Variants in MTMR12 observed in about 807,000 individuals in gnomAD.
The protein encoded by MTMR12 is myotubularin-related protein 12.
Under a neutral mutation model 96.7 loss-of-function variants are expected in MTMR12, and 33 were observed. The ratio of observed to expected loss-of-function variants is 0.34; its 90% CI spans 0.26 to 0.46. MTMR12 has a LOEUF of 0.46. MTMR12 is among the 20% of genes least tolerant of loss of function. MTMR12 has a pLI of 1.00. For synonymous variants in MTMR12, 298 were observed against 327.2 expected (o/e 0.91, Z 0.96); for missense variants, 721 against 896.1 (o/e 0.80, Z 2.49).
Position 32,312,371 on chromosome 5 carries a change from G to A in MTMR12, c.81+387C>T, listed in dbSNP as rs1369247090. On this transcript the variant is annotated intron_variant, in intron 1 of 15. Coordinates refer to ENST00000382142, the MANE Select transcript of MTMR12 (RefSeq NM_001040446.3). This position sits in a 1 kb window ranked among gnomAD's most constrained non-coding sequence, Gnocchi z 5.0. ...GCTCACTGAGAAAGTCCAGAGGCAG[G>A]ACGGACCCACGCGGGCTCCGAGCAG... 6.6e-6 allele frequency among the ~76,000 whole-genome samples: 1 copy of A among 152,236 alleles called. No individual in the cohort carries two copies. Among genetic ancestry groups the A allele is most frequent in the Non-Finnish European group, 1.5e-5 (1 of 68,030 alleles).
chr5:32,233,672 G>T lies in MTMR12; in HGVS notation c.1674+101C>A. ...GTCTCAACTCTGCAGACTGCTTCGA[G>T]GGGTAGAAAATGCTGGCAGACAGAA... On this transcript the variant is annotated intron_variant, in intron 15 of 15. Coordinates refer to ENST00000382142, the MANE Select transcript of MTMR12 (RefSeq NM_001040446.3). This position sits in a 1 kb window ranked among gnomAD's most constrained non-coding sequence, Gnocchi z 5.0. The T allele has an allele frequency of 6.6e-7, 1 of 1,505,600 alleles. No homozygotes were observed. Among genetic ancestry groups the T allele is most frequent in the Non-Finnish European group, 9.1e-7 (1 of 1,094,780 alleles). The allele number at this position is 1,505,600 out of a possible 1,614,324, so 93.3% of individuals were successfully genotyped here. A position where few individuals can be genotyped will look rare whatever the true frequency, so the allele number is the denominator to read the frequency against.
At chr5:32,240,292 A>G (rs1045784233) in intron 12 of MTMR12, among the ~76,000 whole-genome samples, 25 of 151,914 alleles carry the variant, frequency 1.6e-4, no homozygotes, top group Admixed American at 5.9e-4. Context: ...CCAGCTACTC[A>G]GGAGGCTGAG....
intron 1 of MTMR12, among the ~76,000 whole-genome samples, chr5:32,293,142 A>T (rs945705016): frequency 6.6e-6 from 1 of 152,148 alleles, no homozygotes; most frequent in African/African-American, 2.4e-5. Flanking sequence ...GGAGATGTGT[A>T]TGGGTTCAAG....
Position 32,276,544 on chromosome 5 carries a change from GAT to G in MTMR12, c.142+136_142+137del, listed in dbSNP as rs888375230. On this transcript the variant is annotated intron_variant, in intron 2 of 15. Coordinates refer to ENST00000382142, the MANE Select transcript of MTMR12 (RefSeq NM_001040446.3). ...GTGTAGTTATTGAACTACAAACCTT[GAT>G]ATGTTTTTTCAATTCATTACTGTTA... The G allele has an allele frequency of 8.2e-5, 57 of 694,642 alleles. No individual in the cohort carries two copies. In the African/African-American group the frequency reaches 8.9e-4, roughly 11 times the overall value. The allele number at this position is 694,642 out of a possible 1,614,324, so 43.0% of individuals were successfully genotyped here.
chr5:32,245,171 CAT>C (rs1748632182), intron 10 of MTMR12, among the ~76,000 whole-genome samples: 1 of 152,106 alleles, frequency 6.6e-6, no homozygotes, highest in Non-Finnish European at 1.5e-5. Flanking sequence ...GAGTAGCTGG[CAT>C]TACAGGTGCC....
intron 10 of MTMR12, among the ~76,000 whole-genome samples, chr5:32,246,190 G>T (rs1486519405): frequency 6.5e-5 from 4 of 61,630 alleles, no homozygotes; most frequent in South Asian, 5.5e-4. Context: ...TTTTTGAGAT[G>T]GAGTCTTGCT....
At chr5:32,274,231 C>T in intron 2 of MTMR12, 109 bp from the exon 3 acceptor site, 2 of 1,296,088 alleles carry the variant, frequency 1.5e-6, no homozygotes, top group South Asian at 1.4e-5. Flanking sequence ...TACAATACAA[C>T]ACAGGGCTTT....
chr5:32,297,757 GAAAT>G (rs1412361927), intron 1 of MTMR12, among the ~76,000 whole-genome samples: 2 of 152,086 alleles, frequency 1.3e-5, no homozygotes, highest in Admixed American at 1.3e-4. Context: ...ATTAAAGAAA[GAAAT>G]AAATAAAACT....
rs1169859944 is a variant in MTMR12, at chr5:32,227,599, C to G, written c.*2179G>C. 2 of 152,548 alleles carry G rather than the reference C, an allele frequency of 1.3e-5. No individual in the cohort carries two copies. Among genetic ancestry groups the G allele is most frequent in the African/African-American group, 4.8e-5 (2 of 41,412 alleles). 9.4% of individuals were successfully genotyped at this position (152,548 alleles called of 1,614,324 possible). The stretch of plus-strand genomic sequence containing the variant: ...CATTTTTGGAATGAAAATTACAAAG[C>G]CTGAAGAGGCTACTGTATAAATATT... On this transcript the variant is annotated 3_prime_UTR_variant, in exon 16 of 16. Transcript: ENST00000382142.
intron 6 of MTMR12, among the ~76,000 whole-genome samples, chr5:32,268,037 TTGCCAGGATGGTCTTGATCGC>T (rs1240189887): frequency 6.6e-6 from 1 of 152,052 alleles, no homozygotes; most frequent in Non-Finnish European, 1.5e-5. Flanking sequence ...TTTCACCAGG[TTGCCAGGATGGTCTTGATCGC>T]CTGACCTCGT....
At chr5:32,235,313 G>A (rs1748174591) in intron 13 of MTMR12, among the ~76,000 whole-genome samples, 184 bp from the exon 14 acceptor site, 1 of 152,122 alleles carries the variant, frequency 6.6e-6, no homozygotes, top group African/African-American at 2.4e-5. Context: ...ACATGCTTGC[G>A]ATTTACATGC....
chr5:32,238,977 A>G (rs755593721), intron 13 of MTMR12, 24 bp downstream of exon 13: 13 of 1,548,118 alleles, frequency 8.4e-6, no homozygotes, highest in Non-Finnish European at 1.1e-5. Context: ...TATGACGGAA[A>G]CAGTCTGCAG....
At chr5:32,246,282 C>T (rs1374411231) in intron 10 of MTMR12, among the ~76,000 whole-genome samples, 2 of 151,150 alleles carry the variant, frequency 1.3e-5, no homozygotes, top group Non-Finnish European at 2.9e-5. Flanking sequence ...CTGCCTCAGC[C>T]CCTCCAAGTA....
chr5:32,251,971 A>T (rs1181152835), intron 8 of MTMR12, among the ~76,000 whole-genome samples: 1 of 152,246 alleles, frequency 6.6e-6, no homozygotes, highest in African/African-American at 2.4e-5. Flanking sequence ...TCACGCAGAG[A>T]ACAATGATAT....
chr5:32,279,076 CAAAAAAAAAAAAAAAAAAAAAA>C lies in MTMR12; in HGVS notation c.82-2356_82-2335del, dbSNP rs35999870. Among the ~76,000 whole-genome samples the C allele has an allele frequency of 5.3e-3, 267 of 50,532 alleles. 3 individuals are homozygous for C. The highest frequency in any genetic ancestry group is 0.019 in the African/African-American group (249 of 12,980). 33.2% of individuals were successfully genotyped at this position (50,532 alleles called of 152,430 possible). On this transcript the variant is annotated intron_variant, in intron 1 of 15. Coordinates refer to ENST00000382142, the MANE Select transcript of MTMR12 (RefSeq NM_001040446.3). The stretch of plus-strand genomic sequence containing the variant: ...GGGCAACAAGAGCGAAACTCTGTCT[CAAAAAAAAAAAAAAAAAAAAAA>C]AAAAAAAAAAAAAAAAAGTAAGTTA...
At chr5:32,263,354 T>C in intron 6 of MTMR12, 112 bp from the exon 7 acceptor site, 1 of 1,301,550 alleles carries the variant, frequency 7.7e-7, no homozygotes, top group Non-Finnish European at 1.1e-6. Flanking sequence ...CCCATTTTTA[T>C]CCAAGCAGAA....
chr5:32,294,619 G>A (rs1287325417), intron 1 of MTMR12, among the ~76,000 whole-genome samples: 4 of 152,090 alleles, frequency 2.6e-5, no homozygotes, highest in East Asian at 3.9e-4. Flanking sequence ...CACTTTTCAC[G>A]CTGAACTGCA....
At chr5:32,295,129 C>G (rs184676015) in intron 1 of MTMR12, among the ~76,000 whole-genome samples, 1 of 152,242 alleles carries the variant, frequency 6.6e-6, no homozygotes, top group South Asian at 2.1e-4. Context: ...GCTGGTACCC[C>G]ACTCCTGGCC....
intron 11 of MTMR12, 26 bp downstream of exon 11, chr5:32,243,495 A>G (rs767572320): frequency 7.1e-6 from 11 of 1,543,476 alleles, no homozygotes; most frequent in Non-Finnish European, 8.9e-6. Flanking sequence ...TACAAAATTC[A>G]TGAGTAAAAC....
Sources: allele counts gnomAD v4.1 joint callset (sites outside exome capture counted in the v4.1 genomes callset), GRCh38; gene constraint gnomAD v4.1.1; non-coding constraint Gnocchi (gnomAD v3.1); transcripts MANE v1.5; gene names NCBI Gene and HGNC (gene_info 2026-07-23, HGNC 2026-07-21).